Variants in DIAPH2 observed in about 807,000 individuals in gnomAD.
The protein encoded by DIAPH2 is diaphanous related formin 2, also known as protein diaphanous homolog 2.
Under a neutral mutation model 92.7 loss-of-function variants are expected in DIAPH2, and 35 were observed. The ratio of observed to expected loss-of-function variants is 0.38; its 90% CI spans 0.29 to 0.50. DIAPH2 has a LOEUF of 0.50. Among genes scored for constraint, DIAPH2 ranks in the 20% least tolerant of loss-of-function variants. DIAPH2 has a pLI of 0.94. For synonymous variants in DIAPH2, 301 were observed against 280.4 expected (o/e 1.07, Z -0.73); for missense variants, 701 against 819.5 (o/e 0.86, Z 1.77).
chrX:97,258,704 C>A (rs1289259008), intron 23 of DIAPH2, among the ~76,000 whole-genome samples: 2 of 106,446 alleles, frequency 1.9e-5, no homozygotes, highest in Non-Finnish European at 3.9e-5. Context: ...CCCGTCTATA[C>A]TAAAAATACA....
At chrX:97,341,778 T>C (rs1017809476) in intron 23 of DIAPH2, among the ~76,000 whole-genome samples, 1 of 111,516 alleles carries the variant, frequency 9.0e-6, no homozygotes. Flanking sequence ...TTCTCCACTT[T>C]GGTGTTTTAT....
At chrX:97,052,095 G>A (rs1356553034) in intron 17 of DIAPH2, among the ~76,000 whole-genome samples, 2 of 111,279 alleles carry the variant, frequency 1.8e-5, no homozygotes, top group African/African-American at 3.3e-5. Context: ...AGAATAAGAC[G>A]TGTTCAACTA....
intron 21 of DIAPH2, among the ~76,000 whole-genome samples, chrX:97,116,172 G>A (rs1174444872): frequency 8.9e-6 from 1 of 111,792 alleles, no homozygotes; most frequent in Non-Finnish European, 1.9e-5. Context: ...ACATGGACTA[G>A]CACTTTGATA....
intron 5 of DIAPH2, among the ~76,000 whole-genome samples, chrX:96,888,531 A>G (rs1293367263): frequency 3.9e-5 from 4 of 102,836 alleles, no homozygotes; most frequent in Admixed American, 1.1e-4. Context: ...ATATATCTAT[A>G]TATATACATA....
chrX:97,224,108 T>C (rs1040018331), intron 22 of DIAPH2, among the ~76,000 whole-genome samples: 1 of 111,865 alleles, frequency 8.9e-6, no homozygotes, highest in Non-Finnish European at 1.9e-5. Flanking sequence ...GTTTTCAACA[T>C]TTCACGGTTT....
rs1240125073 is a variant in DIAPH2, at chrX:97,603,246, C to CT, written c.*3932dup. 9.2e-6 allele frequency: 1 copy of CT among 108,719 alleles called. No homozygotes were observed. The highest frequency in any genetic ancestry group is 1.9e-5 in the Non-Finnish European group (1 of 52,444). 9.0% of individuals were successfully genotyped at this position (108,719 alleles called of 1,213,427 possible). A position where few individuals can be genotyped will look rare whatever the true frequency, so the allele number is the denominator to read the frequency against. Reference sequence around the variant, plus strand: ...TTGTCCACTTATATAGTTATTTTCTCTTTAAAAAAAAATTTTTTTTAATGT... The same window carrying CT: ...TTGTCCACTTATATAGTTATTTTCTCTTTTAAAAAAAAATTTTTTTTAATGT... On this transcript the variant is annotated 3_prime_UTR_variant, in exon 27 of 27. Transcript: ENST00000324765.
chrX:97,579,580 A>G (rs1367908321), intron 26 of DIAPH2, among the ~76,000 whole-genome samples: 2 of 111,004 alleles, frequency 1.8e-5, no homozygotes, highest in Non-Finnish European at 3.8e-5. Context: ...GCCTTGTAGT[A>G]TAGTTTGAAG....
chrX:97,365,375 G>A (rs763761234), intron 24 of DIAPH2, among the ~76,000 whole-genome samples: 12 of 111,380 alleles, frequency 1.1e-4, no homozygotes, highest in Admixed American at 1.9e-4. Context: ...TTTCTAAAAC[G>A]TAGGTTTCAT....
chrX:96,763,047 CTGTT>C (rs1282694005), intron 4 of DIAPH2: 1 of 901,297 alleles, frequency 1.1e-6, no homozygotes, highest in Non-Finnish European at 1.4e-6. Flanking sequence ...AATATTGTTG[CTGTT>C]TGTTTTTTTT....
At chrX:96,884,219 A>C (rs1487237458) in intron 5 of DIAPH2, 1 of 736,184 alleles carries the variant, frequency 1.4e-6, no homozygotes, top group Non-Finnish European at 2.0e-6. Context: ...TTCTGTGGAG[A>C]GCTCGAAGCC....
chrX:96,764,821 C>G (rs756645037), intron 4 of DIAPH2, among the ~76,000 whole-genome samples: 1 of 111,499 alleles, frequency 9.0e-6, no homozygotes, highest in South Asian at 3.8e-4. Flanking sequence ...TCAGTGAGGA[C>G]TTGTATTAAA....
intron 21 of DIAPH2, among the ~76,000 whole-genome samples, chrX:97,131,487 G>C (rs2067138023): frequency 9.0e-6 from 1 of 111,551 alleles, no homozygotes; most frequent in Non-Finnish European, 1.9e-5. Context: ...TATCTACAGT[G>C]TATAGACAGA....
At chrX:97,377,819 T>G (rs918224869) in intron 24 of DIAPH2, among the ~76,000 whole-genome samples, 2 of 111,531 alleles carry the variant, frequency 1.8e-5, no homozygotes, top group African/African-American at 6.5e-5. Context: ...AAAAAAAATC[T>G]TATCAAGATG....
intron 23 of DIAPH2, among the ~76,000 whole-genome samples, chrX:97,269,856 G>A (rs1187555041): frequency 9.2e-6 from 1 of 108,669 alleles, no homozygotes; most frequent in African/African-American, 3.4e-5. Context: ...GAGTTCAAGC[G>A]ATTCTCCTGC....
chrX:97,091,009 C>G (rs2066820898), intron 19 of DIAPH2, among the ~76,000 whole-genome samples: 1 of 110,986 alleles, frequency 9.0e-6, no homozygotes, highest in Non-Finnish European at 1.9e-5. Context: ...TAGTTTTTTC[C>G]TTTGTTTTTG....
intron 4 of DIAPH2, among the ~76,000 whole-genome samples, chrX:96,835,845 C>T (rs1196686693): frequency 9.0e-6 from 1 of 110,911 alleles, no homozygotes; most frequent in Non-Finnish European, 1.9e-5. Flanking sequence ...CAGAGTCTCA[C>T]TCCAGTTGCC....
At chrX:97,045,494 A>C (rs2066475618) in intron 17 of DIAPH2, among the ~76,000 whole-genome samples, 1 of 111,663 alleles carries the variant, frequency 9.0e-6, no homozygotes, top group African/African-American at 3.3e-5. Flanking sequence ...GAAAGAGTAT[A>C]CATGGAGAAG....
intron 22 of DIAPH2, among the ~76,000 whole-genome samples, chrX:97,238,584 TC>T (rs765214016): frequency 1.8e-5 from 2 of 108,796 alleles, no homozygotes; most frequent in Non-Finnish European, 3.8e-5. Context: ...TTTTTTTTTT[TC>T]CCCCTAAGAA....
intron 20 of DIAPH2, among the ~76,000 whole-genome samples, chrX:97,104,484 G>T (rs936729324): frequency 9.1e-5 from 10 of 109,793 alleles, no homozygotes; most frequent in Non-Finnish European, 1.1e-4. Flanking sequence ...GAACTCCTAG[G>T]CTCTAGTGAT....
Sources: allele counts gnomAD v4.1 joint callset (sites outside exome capture counted in the v4.1 genomes callset), GRCh38; gene constraint gnomAD v4.1.1; transcripts MANE v1.5; gene names NCBI Gene and HGNC (gene_info 2026-07-23, HGNC 2026-07-21).